RALYL: variants seen among roughly 807,000 people sequenced by gnomAD.
RALYL encodes the protein RALY RNA binding protein like.
A neutral mutation model predicts 35.1 loss-of-function variants in RALYL; 29 were observed. The observed-to-expected ratio is 0.83, with a 90% CI of 0.61 to 1.13. RALYL has a LOEUF of 1.13. Among genes scored for constraint, RALYL ranks in the 50% most tolerant of loss-of-function variants. RALYL has a pLI of 0.00. For missense variants in RALYL, 359 were observed against 360.4 expected (o/e 1.00, Z 0.03); for synonymous variants, 120 against 127.6 (o/e 0.94, Z 0.40).
intron 1 of RALYL, among the ~76,000 whole-genome samples, chr8:84,338,843 A>G (rs1228450627): frequency 6.6e-6 from 1 of 152,156 alleles, no homozygotes; most frequent in Non-Finnish European, 1.5e-5. Flanking sequence ...GCTTTTACAG[A>G]ATATTATTAT....
At chr8:84,726,266 T>A (rs1206117358) in intron 2 of RALYL, among the ~76,000 whole-genome samples, 1 of 146,924 alleles carries the variant, frequency 6.8e-6, no homozygotes, top group Non-Finnish European at 1.5e-5. Flanking sequence ...ATTTTATTTT[T>A]ATATATTTTA....
intron 2 of RALYL, among the ~76,000 whole-genome samples, chr8:84,665,316 G>A (rs547504840): frequency 5.3e-5 from 8 of 151,872 alleles, no homozygotes; most frequent in Non-Finnish European, 1.2e-4. Context: ...TTTTTAATCA[G>A]GATGATTCTG....
At chr8:84,312,117 G>C (rs961813565) in intron 1 of RALYL, among the ~76,000 whole-genome samples, 1 of 152,182 alleles carries the variant, frequency 6.6e-6, no homozygotes, top group Non-Finnish European at 1.5e-5. Context: ...TCATAAGGTG[G>C]CAGGAGAGAG....
chr8:84,748,244 T>C (rs534631770), intron 2 of RALYL, among the ~76,000 whole-genome samples: 1 of 152,060 alleles, frequency 6.6e-6, no homozygotes, highest in South Asian at 2.1e-4. Context: ...TATTTGAAGG[T>C]AGGAATGGTA....
intron 1 of RALYL, among the ~76,000 whole-genome samples, chr8:84,388,356 G>A (rs149488007): frequency 6.6e-6 from 1 of 151,802 alleles, no homozygotes; most frequent in Non-Finnish European, 1.5e-5. Context: ...GGGTATATAC[G>A]CAGTAATGGG....
chr8:84,745,472 T>C (rs1236427179), intron 2 of RALYL, among the ~76,000 whole-genome samples: 1 of 152,034 alleles, frequency 6.6e-6, no homozygotes, highest in African/African-American at 2.4e-5. Flanking sequence ...TAGGCATACA[T>C]ATGTATTAGA....
At chr8:84,848,793 G>T (rs1417530243) in intron 4 of RALYL, among the ~76,000 whole-genome samples, 1 of 152,172 alleles carries the variant, frequency 6.6e-6, no homozygotes, top group South Asian at 2.1e-4. Flanking sequence ...AGTAAATATG[G>T]AGTTATGTAT....
At chr8:84,856,097 A>G (rs1836909736) in intron 5 of RALYL, among the ~76,000 whole-genome samples, 1 of 152,256 alleles carries the variant, frequency 6.6e-6, no homozygotes, top group South Asian at 2.1e-4. Context: ...CTCTGGTAGT[A>G]TGGTATTCCA....
chr8:84,503,436 G>A (rs564427441), intron 1 of RALYL, among the ~76,000 whole-genome samples: 35 of 151,740 alleles, frequency 2.3e-4, no homozygotes, highest in Non-Finnish European at 4.0e-4. Flanking sequence ...GGGATTACAG[G>A]CATGAGCCAC....
intron 1 of RALYL, among the ~76,000 whole-genome samples, chr8:84,253,871 T>A (rs564307223): frequency 4.6e-5 from 7 of 152,290 alleles, no homozygotes; most frequent in South Asian, 2.1e-4. Context: ...CTACTGCCAA[T>A]CTCTTATTCC....
intron 1 of RALYL, among the ~76,000 whole-genome samples, chr8:84,296,355 G>C (rs114099737): frequency 2.0e-5 from 3 of 151,996 alleles, no homozygotes; most frequent in Non-Finnish European, 4.4e-5. Flanking sequence ...AAGACTAAAA[G>C]GTTCCCAAGA....
At chr8:84,867,772 C>G (rs2135151519) in intron 6 of RALYL, among the ~76,000 whole-genome samples, 1 of 152,200 alleles carries the variant, frequency 6.6e-6, no homozygotes, top group Non-Finnish European at 1.5e-5. Context: ...TTTCTTTGCC[C>G]ACATAGCTGA....
At chr8:84,378,989 T>C (rs1434834859) in intron 1 of RALYL, among the ~76,000 whole-genome samples, 2 of 151,960 alleles carry the variant, frequency 1.3e-5, no homozygotes, top group Admixed American at 1.3e-4. Flanking sequence ...GGAACCTGCC[T>C]GTTCTCAGTC....
chr8:84,353,376 T>G (rs1226998406), intron 1 of RALYL, among the ~76,000 whole-genome samples: 1 of 150,336 alleles, frequency 6.7e-6, no homozygotes, highest in Non-Finnish European at 1.5e-5. Flanking sequence ...AGAAAGTGTT[T>G]TATTCATTTT....
chr8:84,375,191 T>A (rs1359808534), intron 1 of RALYL, among the ~76,000 whole-genome samples: 1 of 151,894 alleles, frequency 6.6e-6, no homozygotes, highest in Admixed American at 6.6e-5. Flanking sequence ...GAACCACACA[T>A]CACTTATATA....
chr8:84,899,079 G>A (rs754384709), intron 8 of RALYL, among the ~76,000 whole-genome samples: 1 of 152,112 alleles, frequency 6.6e-6, no homozygotes. Context: ...TTGACACACC[G>A]TGTCATGACT....
At chr8:84,610,273 C>T (rs1818015452) in intron 2 of RALYL, among the ~76,000 whole-genome samples, 1 of 152,160 alleles carries the variant, frequency 6.6e-6, no homozygotes, top group Non-Finnish European at 1.5e-5. Flanking sequence ...GACTGCTTGA[C>T]TCCCAGACTT....
At chr8:84,190,863 A>G (rs1412188174) in intron 1 of RALYL, among the ~76,000 whole-genome samples, 1 of 143,882 alleles carries the variant, frequency 7.0e-6, no homozygotes, top group African/African-American at 2.9e-5. Flanking sequence ...GAAATTTGGG[A>G]ACATCTGCTT....
In RALYL at chr8:84,874,400, A is replaced by G. The variant is rs1413978156; in HGVS notation, c.685+1003A>G. On this transcript the variant is annotated intron_variant, in intron 7 of 8. Transcript: ENST00000521268. ...CCTAGACCTGTATATCTAATTAGTGATAGACCTCGGTCTCAAACTCAGGGC... is the reference window on the plus strand; with the variant it reads ...CCTAGACCTGTATATCTAATTAGTGGTAGACCTCGGTCTCAAACTCAGGGC... 2.6e-5 allele frequency among the ~76,000 whole-genome samples: 4 copies of G among 152,008 alleles called. No homozygotes were observed. The East Asian group carries it at 7.7e-4, about 29-fold the overall frequency.
Sources: allele counts gnomAD v4.1 joint callset (sites outside exome capture counted in the v4.1 genomes callset), GRCh38; gene constraint gnomAD v4.1.1; transcripts MANE v1.5; gene names NCBI Gene and HGNC (gene_info 2026-07-23, HGNC 2026-07-21).